NUP160: variants seen among roughly 807,000 people sequenced by gnomAD.
The protein encoded by NUP160 is nuclear pore complex protein Nup160.
NUP160 carries 94 observed loss-of-function variants against 196.9 expected under a neutral mutation model. That is an observed-to-expected ratio of 0.48 (90% CI 0.40 to 0.57). The LOEUF is 0.57. Among genes scored for constraint, NUP160 ranks in the 20% least tolerant of loss-of-function variants. The probability of loss-of-function intolerance (pLI) is 0.00; values close to 1 mark genes in which losing one functional copy is unlikely to be tolerated. For synonymous variants in NUP160, 605 were observed against 619.7 expected (o/e 0.98, Z 0.35); for missense variants, 1,638 against 1,748.3 (o/e 0.94, Z 1.13).
chr11:47,825,295 T>C lies in NUP160; in HGVS notation c.1102-3131A>G, dbSNP rs116455023. Among the ~76,000 whole-genome samples, 1,089 of 151,878 alleles carry C rather than the reference T, an allele frequency of 7.2e-3. 13 individuals carry two copies. Among genetic ancestry groups the C allele is most frequent in the African/African-American group, 0.025 (1,049 of 41,412 alleles). On this transcript the variant is annotated intron_variant, in intron 7 of 35. Coordinates refer to ENST00000378460, the Ensembl canonical transcript of NUP160. Reference sequence around the variant, plus strand: ...TGATGAACTTTTTAAATAACTTTTTTTTTTTGGAGACGAGTCTCGCTCTAT... The same window carrying C: ...TGATGAACTTTTTAAATAACTTTTTCTTTTTGGAGACGAGTCTCGCTCTAT...
chr11:47,808,288 A>G, intron 18 of NUP160, 108 bp downstream of exon 18: 7 of 1,089,260 alleles, frequency 6.4e-6, no homozygotes, highest in Non-Finnish European at 7.9e-6. Context: ...GTCTCAAAAC[A>G]AAAACAAAAA....
intron 21 of NUP160, chr11:47,804,217 G>A (rs1052150523): frequency 3.7e-5 from 7 of 189,760 alleles, no homozygotes; most frequent in Non-Finnish European, 7.5e-5. Flanking sequence ...AAAAAATCAC[G>A]TTAGGAATTA....
chr11:47,788,385 ATC>A lies in NUP160; in HGVS notation c.3623-82_3623-81del, dbSNP rs2097665901. Reference sequence around the variant, plus strand: ...CAAAGATTTTGTTTTGTTGATGAGTATCTCTGAGTAATAACCCAGGCTTTATA... The same window carrying A: ...CAAAGATTTTGTTTTGTTGATGAGTATCTGAGTAATAACCCAGGCTTTATA... On this transcript the variant is annotated intron_variant, in intron 30 of 35. Coordinates refer to ENST00000378460, the Ensembl canonical transcript of NUP160. 5.1e-6 allele frequency: 8 copies of A among 1,579,620 alleles called. No individual in the cohort carries two copies. The Admixed American group carries it at 1.4e-4, about 27-fold the overall frequency.
chr11:47,790,601 T>C (rs117775031), intron 29 of NUP160, among the ~76,000 whole-genome samples: 113 of 152,182 alleles, frequency 7.4e-4, no homozygotes, highest in East Asian at 4.8e-3. Flanking sequence ...AAGAAAATCA[T>C]AGGGAAGGCA....
intron 7 of NUP160, among the ~76,000 whole-genome samples, chr11:47,834,473 T>C (rs1212327367): frequency 6.6e-6 from 1 of 152,102 alleles, no homozygotes. Context: ...ATAAATGTCT[T>C]GATAGCATGA....
At chr11:47,822,057 A>T (rs768375959) in intron 8 of NUP160, 30 bp downstream of exon 8, 2 of 1,405,690 alleles carry the variant, frequency 1.4e-6, no homozygotes, top group Admixed American at 1.8e-5. Context: ...TCTTGTACTT[A>T]TGTGATATGC....
intron 28 of NUP160, chr11:47,792,250 G>T: frequency 2.6e-6 from 1 of 381,992 alleles, no homozygotes; most frequent in Non-Finnish European, 4.7e-6. Context: ...AATTTTTCTC[G>T]GCTCCAGAGT....
chr11:47,821,903 A>G, intron 8 of NUP160, 82 bp from the exon 9 acceptor site: 2 of 1,169,856 alleles, frequency 1.7e-6, no homozygotes, highest in Admixed American at 1.8e-5. Context: ...CATCAGTAGG[A>G]GAGGTAAATG....
In NUP160 at chr11:47,821,838, GA is replaced by G. The variant is rs745440862; in HGVS notation, c.1180-18del. ...CAGTGTCTCCTAGGAGGAAATGTGG[GA>G]AAAAAAGGGATAAAATAAGAAAGAA... On this transcript the variant is annotated intron_variant, in intron 8 of 35. Transcript: ENST00000378460. 7.7e-6 allele frequency: 12 copies of G among 1,564,898 alleles called. No individual in the cohort carries two copies. The highest frequency in any genetic ancestry group is 8.8e-6 in the Non-Finnish European group (10 of 1,137,130).
chr11:47,817,507 C>A (rs1020898338), intron 11 of NUP160, among the ~76,000 whole-genome samples: 1 of 151,928 alleles, frequency 6.6e-6, no homozygotes, highest in Non-Finnish European at 1.5e-5. Flanking sequence ...CCACCACGCC[C>A]GGCTAATTTT....
At chr11:47,802,669 A>G (rs2097674902) in intron 22 of NUP160, among the ~76,000 whole-genome samples, 1 of 152,116 alleles carries the variant, frequency 6.6e-6, no homozygotes, top group African/African-American at 2.4e-5. Flanking sequence ...ACAATAAAAA[A>G]AATGTAATTA....
In NUP160 at chr11:47,847,847, C is replaced by G. The variant is rs1490181894; in HGVS notation, c.314+1G>C. 1.9e-6 allele frequency: 3 copies of G among 1,606,528 alleles called. No homozygotes were observed. The highest frequency in any genetic ancestry group is 1.7e-6 in the Non-Finnish European group (2 of 1,172,974). On this transcript the variant is annotated splice_donor_variant, in intron 2 of 35. Coordinates refer to ENST00000378460, the Ensembl canonical transcript of NUP160. LOFTEE classifies it high-confidence loss of function. ...GGAGTTTGGCGAACCACAACACTTA[C>G]CAATGAATGAACCTGTTTCTGGTTA...
At chr11:47,787,856 T>C (rs541554531) in intron 31 of NUP160, among the ~76,000 whole-genome samples, 1 of 152,156 alleles carries the variant, frequency 6.6e-6, no homozygotes, top group Non-Finnish European at 1.5e-5. Flanking sequence ...TAGCTGGGAC[T>C]ACAGGCGCCC....
intron 7 of NUP160, among the ~76,000 whole-genome samples, chr11:47,831,569 T>G (rs1354345089): frequency 6.6e-6 from 1 of 151,812 alleles, no homozygotes; most frequent in Non-Finnish European, 1.5e-5. Flanking sequence ...CTGGGCCAGG[T>G]GCAGTGGCTC....
intron 19 of NUP160, among the ~76,000 whole-genome samples, chr11:47,806,844 C>CATAT (rs1287689451): frequency 1.9e-4 from 19 of 99,596 alleles, no homozygotes; most frequent in African/African-American, 6.8e-4. Flanking sequence ...CACACACACA[C>CATAT]ACACACACAT....
At chr11:47,799,591 G>C (rs2097672968) in intron 23 of NUP160, among the ~76,000 whole-genome samples, 1 of 151,942 alleles carries the variant, frequency 6.6e-6, no homozygotes. Flanking sequence ...TGTTGCCCAG[G>C]CTGGAGTGCA....
At chr11:47,838,503 T>A (rs1000426886) in intron 4 of NUP160, among the ~76,000 whole-genome samples, 1 of 151,610 alleles carries the variant, frequency 6.6e-6, no homozygotes, top group African/African-American at 2.4e-5. Flanking sequence ...AGGTCAGGAG[T>A]TCGAGACCAG....
intron 11 of NUP160, among the ~76,000 whole-genome samples, chr11:47,817,152 A>G (rs1281071283): frequency 3.3e-5 from 5 of 149,422 alleles, no homozygotes; most frequent in Admixed American, 3.3e-4. Context: ...TTTTTCTATT[A>G]TTATTATTTT....
At chr11:47,840,644 T>C in intron 2 of NUP160, 56 bp from the exon 3 acceptor site, 1 of 1,351,190 alleles carries the variant, frequency 7.4e-7, no homozygotes, top group Non-Finnish European at 1.0e-6. Flanking sequence ...CTGACTGTTC[T>C]ACTGAAATAT....
Sources: gnomAD v4.1 joint callset for allele counts (sites outside exome capture counted in the v4.1 genomes callset) on GRCh38, gnomAD v4.1.1 for gene constraint, MANE v1.5 for transcripts, NCBI Gene and HGNC (gene_info 2026-07-23, HGNC 2026-07-21) for gene names.